Variants in MCTP1 observed in about 807,000 individuals in gnomAD.
MCTP1 encodes multiple C2 and transmembrane domain-containing protein 1.
Under a neutral mutation model 120.6 loss-of-function variants are expected in MCTP1, and 69 were observed. The ratio of observed to expected loss-of-function variants is 0.57; its 90% CI spans 0.47 to 0.70. The LOEUF is 0.70. Ranked by LOEUF, MCTP1 falls within the 30% of genes least tolerant of loss-of-function variation. The pLI is 0.00. For missense variants in MCTP1, 1,203 were observed against 1,248.8 expected, an observed-to-expected ratio of 0.96 and a Z score of 0.55; for synonymous variants, 529 against 493.1, an observed-to-expected ratio of 1.07 and a Z score of -0.96.
intron 12 of MCTP1, among the ~76,000 whole-genome samples, chr5:94,876,207 C>T (rs1013868288): frequency 2.0e-5 from 3 of 152,112 alleles, no homozygotes; most frequent in African/African-American, 7.2e-5. Context: ...TGATTATCTG[C>T]CACTTAAACA....
intron 1 of MCTP1, among the ~76,000 whole-genome samples, chr5:95,246,194 G>A (rs1253780169): frequency 6.6e-6 from 1 of 152,024 alleles, no homozygotes; most frequent in Non-Finnish European, 1.5e-5. Flanking sequence ...ATATGGAAAG[G>A]AATAACTAGT....
At chr5:94,909,230 A>G in intron 10 of MCTP1, 21 bp downstream of exon 10, 1 of 1,611,698 alleles carries the variant, frequency 6.2e-7, no homozygotes, top group Non-Finnish European at 8.5e-7. Context: ...GAGTGAACCA[A>G]AAATTACAAA....
In MCTP1 at chr5:95,150,177, A is replaced by G. The variant is rs376310871; in HGVS notation, c.721-132693T>C. Among the ~76,000 whole-genome samples, 10 of 152,340 alleles carry G rather than the reference A, an allele frequency of 6.6e-5. No individual in the cohort carries two copies. The East Asian group carries it at 1.9e-3, about 29-fold the overall frequency. On this transcript the variant is annotated intron_variant, in intron 1 of 22. Transcript: ENST00000515393. ...TGATGAAAACTTTCTAAAGTGCAGC[A>G]TCTCTTCCCCATATTTGTTTTAATT...
chr5:95,028,542 T>A (rs137936648), intron 1 of MCTP1, among the ~76,000 whole-genome samples: 1 of 152,300 alleles, frequency 6.6e-6, no homozygotes, highest in African/African-American at 2.4e-5. Flanking sequence ...TACTCACCCG[T>A]GGATTGTCTG....
At chr5:95,061,492 G>C (rs1272184202) in intron 1 of MCTP1, among the ~76,000 whole-genome samples, 1 of 120,978 alleles carries the variant, frequency 8.3e-6, no homozygotes, top group South Asian at 2.8e-4. Context: ...CTGGAGTGCA[G>C]TGGCGGGATC....
chr5:94,771,731 G>A (rs1774127935), intron 19 of MCTP1, among the ~76,000 whole-genome samples: 1 of 152,152 alleles, frequency 6.6e-6, no homozygotes, highest in Admixed American at 6.5e-5. Flanking sequence ...ATACAGTATT[G>A]TTTGGAGAAG....
intron 10 of MCTP1, among the ~76,000 whole-genome samples, chr5:94,897,527 TTC>T (rs1246591199): frequency 6.6e-6 from 1 of 152,154 alleles, no homozygotes; most frequent in Non-Finnish European, 1.5e-5. Flanking sequence ...CAGTGGATTT[TTC>T]TTTTTTCATA....
chr5:94,805,259 G>T (rs1228652712), intron 17 of MCTP1, among the ~76,000 whole-genome samples: 1 of 152,100 alleles, frequency 6.6e-6, no homozygotes, highest in Admixed American at 6.6e-5. Context: ...TTTGGGTCAG[G>T]CTTTAAAAAC....
At position 94,909,330 on chromosome 5, in the gene MCTP1, G is replaced by T. The variant is rs781201965; in HGVS notation, c.1573C>A (p.Leu525Ile). ...PQWREQFDFH[L>I]YEERGGVIDI... Reference sequence around the variant, plus strand: ...ATGACTCCTCCTCTTTCTTCATAAAGGTGAAAATCAAATTGTTCCCTCCAC... The same window carrying T: ...ATGACTCCTCCTCTTTCTTCATAAATGTGAAAATCAAATTGTTCCCTCCAC... The change falls in exon 10 of 23, where the codon CTT becomes ATT. Residue 525 changes from leucine (L) to isoleucine (I), a missense_variant. Physicochemically the swap from Leu to Ile is conservative, Grantham distance 5. Transcript: ENST00000515393. 1.2e-6 allele frequency: 2 copies of T among 1,607,938 alleles called. No individual in the cohort carries two copies. Among genetic ancestry groups the T allele is most frequent in the Non-Finnish European group, 1.7e-6 (2 of 1,177,642 alleles).
At chr5:94,958,060 C>A (rs1193782028) in intron 2 of MCTP1, among the ~76,000 whole-genome samples, 1 of 152,192 alleles carries the variant, frequency 6.6e-6, no homozygotes, top group African/African-American at 2.4e-5. Flanking sequence ...GAAATTATAA[C>A]AAACAGTCTC....
intron 2 of MCTP1, among the ~76,000 whole-genome samples, chr5:95,009,781 C>T (rs927073221): frequency 2.6e-5 from 4 of 152,074 alleles, no homozygotes; most frequent in South Asian, 2.1e-4. Flanking sequence ...CCAAAGATCA[C>T]GTACTTTCTA....
chr5:95,034,108 T>C (rs1223246795), intron 1 of MCTP1, among the ~76,000 whole-genome samples: 2 of 152,206 alleles, frequency 1.3e-5, no homozygotes, highest in Admixed American at 1.3e-4. Context: ...TCCATGCTCA[T>C]GACTTGGAAG....
chr5:95,184,936 C>T (rs528683262), intron 1 of MCTP1, among the ~76,000 whole-genome samples: 1 of 152,288 alleles, frequency 6.6e-6, no homozygotes, highest in East Asian at 1.9e-4. Flanking sequence ...TTCCCCACTT[C>T]CCAAGGCCCT....
Position 94,770,239 on chromosome 5 carries a change from C to T in MCTP1, c.2610+8871G>A, listed in dbSNP as rs1773744414. Among the ~76,000 whole-genome samples the T allele has an allele frequency of 2.0e-5, 3 of 152,172 alleles. No individual in the cohort carries two copies. In the South Asian group the frequency reaches 6.2e-4, roughly 32 times the overall value. On this transcript the variant is annotated intron_variant, in intron 19 of 22. Transcript: ENST00000515393. ...GTGTCAGCCGTGTCAACGACTCTGCCAGCGATCCTGAAAAAATCGTGTCTA... is the reference window on the plus strand; with the variant it reads ...GTGTCAGCCGTGTCAACGACTCTGCTAGCGATCCTGAAAAAATCGTGTCTA...
intron 2 of MCTP1, among the ~76,000 whole-genome samples, chr5:94,998,948 T>C (rs985907782): frequency 6.6e-6 from 1 of 152,308 alleles, no homozygotes; most frequent in East Asian, 1.9e-4. Context: ...GAGCGTTTGC[T>C]TTCCGTTTCC....
intron 2 of MCTP1, among the ~76,000 whole-genome samples, chr5:95,009,525 A>C (rs1197406803): frequency 6.6e-6 from 1 of 151,620 alleles, no homozygotes; most frequent in African/African-American, 2.4e-5. Flanking sequence ...ATAAATGATA[A>C]AAAATTTACT....
chr5:94,746,753 A>C (rs1766992482), intron 19 of MCTP1, among the ~76,000 whole-genome samples: 1 of 152,200 alleles, frequency 6.6e-6, no homozygotes, highest in Non-Finnish European at 1.5e-5. Context: ...AGGTTCAGAA[A>C]ACTTCAGTGG....
At chr5:94,974,610 A>C (rs1389032741) in intron 2 of MCTP1, among the ~76,000 whole-genome samples, 4 of 152,136 alleles carry the variant, frequency 2.6e-5, no homozygotes, top group Non-Finnish European at 5.9e-5. Flanking sequence ...CAGAGGATTC[A>C]TTGGCTTTGT....
At chr5:94,809,965 T>G (rs779967436) in intron 17 of MCTP1, among the ~76,000 whole-genome samples, 3 of 152,098 alleles carry the variant, frequency 2.0e-5, no homozygotes, top group African/African-American at 4.8e-5. Context: ...GAAAAAAAAG[T>G]GTTTTAATGT....
Sources: allele counts gnomAD v4.1 joint callset (sites outside exome capture counted in the v4.1 genomes callset), GRCh38; gene constraint gnomAD v4.1.1; transcripts MANE v1.5; gene names NCBI Gene and HGNC (gene_info 2026-07-23, HGNC 2026-07-21).